Variants in OTUB1 observed in about 807,000 individuals in gnomAD.
OTUB1 encodes the protein OTU deubiquitinase, ubiquitin aldehyde binding 1, also known as ubiquitin thioesterase OTUB1.
Under a neutral mutation model 35.8 loss-of-function variants are expected in OTUB1, and 10 were observed. The observed-to-expected ratio is 0.28, with a 90% CI of 0.17 to 0.47. The LOEUF (loss-of-function observed/expected upper bound fraction) is 0.47, where lower values mean the gene tolerates loss of function less well. Ranked by LOEUF, OTUB1 falls within the 20% of genes least tolerant of loss-of-function variation. The pLI, the probability that OTUB1 is intolerant of heterozygous loss-of-function variation, is 0.99. For missense variants in OTUB1, 264 were observed against 351.6 expected (o/e 0.75, Z 1.99); for synonymous variants, 158 against 143.8 (o/e 1.10, Z -0.71).
intron 3 of OTUB1, chr11:63,989,725 C>CA (rs1188655373): frequency 0.016 from 780 of 47,858 alleles, 4 homozygotes; most frequent in African/African-American, 0.042. Flanking sequence ...GACTCCGTCT[C>CA]AAAAAAAAAA....
chr11:63,988,044 G>A (rs1281607802), intron 1 of OTUB1, among the ~76,000 whole-genome samples: 2 of 152,214 alleles, frequency 1.3e-5, no homozygotes, highest in Non-Finnish European at 2.9e-5. Flanking sequence ...GGAGGTTGAG[G>A]TGGGCGGATC....
chr11:63,990,014 C>CA (rs11306602), intron 3 of OTUB1: 68 of 118,604 alleles, frequency 5.7e-4, no homozygotes, highest in South Asian at 1.9e-3. Flanking sequence ...GACTCCGTCT[C>CA]AAAAAAAAAA....
intron 3 of OTUB1, among the ~76,000 whole-genome samples, chr11:63,991,770 C>T (rs1942674890): frequency 6.6e-6 from 1 of 152,152 alleles, no homozygotes; most frequent in Non-Finnish European, 1.5e-5. Context: ...GGACTGTGGT[C>T]CAGGCGCTGT....
Position 63,988,697 on chromosome 11 carries a change from C to G in OTUB1, c.164C>G (p.Ser55Trp). 2.5e-6 allele frequency: 4 copies of G among 1,613,370 alleles called. No homozygotes were observed. The highest frequency in any genetic ancestry group is 3.4e-6 in the Non-Finnish European group (4 of 1,179,822). ...CTGGTGTCAGAGCGGCTGGAGCTCT[C>G]GGTCCTATACAAGGAGTATGCTGAA... ...NPLVSERLEL[S>W]VLYKEYAEDD... is the part of the protein sequence containing the mutation. The change falls in exon 3 of 7, where the codon TCG becomes TGG. Residue 55 changes from serine to tryptophan, a missense_variant. Ser to Trp is a radical substitution (Grantham distance 177, BLOSUM62 -3). Transcript: ENST00000538426.
At chr11:63,995,261 A>G (rs976769843) in intron 3 of OTUB1, among the ~76,000 whole-genome samples, 4 of 151,718 alleles carry the variant, frequency 2.6e-5, no homozygotes, top group East Asian at 1.9e-4. Context: ...CGATGGCGCA[A>G]TCTCGGCTCA....
intron 3 of OTUB1, chr11:63,989,016 G>GAA (rs771859657): frequency 1.6e-3 from 285 of 174,942 alleles, no homozygotes; most frequent in South Asian, 4.0e-3. Flanking sequence ...CTTCATCTCA[G>GAA]AAAAAAAAAA....
rs7117821 is a variant in OTUB1, at chr11:63,996,836, G to A, written c.339-21G>A. The A allele has an allele frequency of 4.5e-3, 7,296 of 1,614,118 alleles. 244 individuals carry two copies. The African/African-American group carries it at 0.08, about 18-fold the overall frequency. Reference sequence around the variant, plus strand: ...TGGTCGAGGAGCCCATGCTGGGCCCGCCTTTCCATCCCACCCCCAGGTTCA... The same window carrying A: ...TGGTCGAGGAGCCCATGCTGGGCCCACCTTTCCATCCCACCCCCAGGTTCA... On this transcript the variant is annotated intron_variant, in intron 4 of 6. Coordinates refer to ENST00000538426, the MANE Select transcript of OTUB1 (RefSeq NM_017670.3).
intron 3 of OTUB1, among the ~76,000 whole-genome samples, chr11:63,991,224 G>C (rs959243989): frequency 1.3e-5 from 2 of 152,168 alleles, no homozygotes; most frequent in Non-Finnish European, 2.9e-5. Context: ...GCCTCACAGG[G>C]CAATTGTGAG....
intron 1 of OTUB1, 110 bp downstream of exon 1, chr11:63,986,624 G>A (rs1942622557): frequency 1.1e-6 from 1 of 900,060 alleles, no homozygotes; most frequent in African/African-American, 1.7e-5. Flanking sequence ...GTCGAGGTGC[G>A]CGAGGGGTCC....
chr11:63,986,873 G>A, intron 1 of OTUB1: 1 of 240,146 alleles, frequency 4.2e-6, no homozygotes, highest in South Asian at 1.4e-4. Context: ...CCTACGCCAG[G>A]GCCGAGCCCC....
intron 3 of OTUB1, among the ~76,000 whole-genome samples, chr11:63,994,419 AT>A (rs1942699243): frequency 6.6e-6 from 1 of 151,994 alleles, no homozygotes; most frequent in Non-Finnish European, 1.5e-5. Flanking sequence ...CGCCCAGTTA[AT>A]TTTTGTATTT....
Position 63,997,115 on chromosome 11 carries a change from T to C in OTUB1, c.489T>C (p.Asn163=). 1 of 1,614,244 alleles carries C rather than the reference T, an allele frequency of 6.2e-7. No individual in the cohort carries two copies. ...TCGCCGACCTGCTGGCCTCCTTCAATGACCAGAGCACCTCCGACTACCTTG... is the reference window on the plus strand; with the variant it reads ...TCGCCGACCTGCTGGCCTCCTTCAACGACCAGAGCACCTCCGACTACCTTG... The part of the protein sequence containing the change: ...TSVADLLASF[N]DQSTSDYLVV... Residue 163 remains asparagine, a synonymous_variant, in exon 6 of 7, where the codon AAT becomes AAC. Transcript: ENST00000538426.
At chr11:63,994,301 G>A (rs553877503) in intron 3 of OTUB1, among the ~76,000 whole-genome samples, 102 of 152,252 alleles carry the variant, frequency 6.7e-4, no homozygotes, top group African/African-American at 2.5e-3. Context: ...TGCCCAGGCT[G>A]GAGTGCAGTG....
In OTUB1 at chr11:63,997,076, G is replaced by A; in HGVS notation, c.450G>A (p.Glu150=). The A allele has an allele frequency of 6.2e-7, 1 of 1,614,176 alleles. No individual in the cohort carries two copies. The highest frequency in any genetic ancestry group is 1.1e-5 in the South Asian group (1 of 91,086). ...NTFMDLIEQV[E]KQTSVADLLA... ...TCATGGACCTGATTGAGCAGGTGGAGAAGCAGACCTCTGTCGCCGACCTGC... is the reference window on the plus strand; with the variant it reads ...TCATGGACCTGATTGAGCAGGTGGAAAAGCAGACCTCTGTCGCCGACCTGC... Residue 150 remains glutamate (E), a synonymous_variant, in exon 6 of 7, where the codon GAG becomes GAA. Coordinates refer to ENST00000538426, the MANE Select transcript of OTUB1 (RefSeq NM_017670.3).
chr11:63,991,347 T>TG (rs1343101531), intron 3 of OTUB1, among the ~76,000 whole-genome samples: 1 of 152,166 alleles, frequency 6.6e-6, no homozygotes, highest in Non-Finnish European at 1.5e-5. Context: ...TGTCCTCCAG[T>TG]GGGACCCCCC....
intron 1 of OTUB1, 114 bp downstream of exon 1, chr11:63,986,628 G>T: frequency 2.3e-6 from 2 of 864,684 alleles, no homozygotes; most frequent in Non-Finnish European, 3.5e-6. Flanking sequence ...AGGTGCGCGA[G>T]GGGTCCCTTC....
chr11:63,988,547 G>A (rs1048460674), intron 2 of OTUB1, 107 bp from the exon 3 acceptor site: 17 of 1,243,880 alleles, frequency 1.4e-5, no homozygotes, highest in Non-Finnish European at 1.9e-5. Context: ...TCTGGGGGTC[G>A]CTGTGCCACC....
At chr11:63,992,607 A>G (rs60969355) in intron 3 of OTUB1, among the ~76,000 whole-genome samples, 3,128 of 152,030 alleles carry the variant, frequency 0.021, 107 homozygotes, top group African/African-American at 0.069. Flanking sequence ...CTGGAGTGCA[A>G]TGGCACCATC....
chr11:63,996,512 G>A lies in OTUB1; in HGVS notation c.220-18G>A. Reference sequence around the variant, plus strand: ...TCTGGCCTGATGTTAACCTGTCGGGGTGGGGCTGTCTCCGCAGGACCTCCA... The same window carrying A: ...TCTGGCCTGATGTTAACCTGTCGGGATGGGGCTGTCTCCGCAGGACCTCCA... On this transcript the variant is annotated intron_variant, in intron 3 of 6. Coordinates refer to ENST00000538426, the MANE Select transcript of OTUB1 (RefSeq NM_017670.3). 6.2e-7 allele frequency: 1 copy of A among 1,613,654 alleles called. No homozygotes were observed.
Sources: allele counts gnomAD v4.1 joint callset (sites outside exome capture counted in the v4.1 genomes callset), GRCh38; gene constraint gnomAD v4.1.1; transcripts MANE v1.5; gene names NCBI Gene and HGNC (gene_info 2026-07-23, HGNC 2026-07-21).